The following KCNQ5 variants were observed in gnomAD, a reference collection of about 807,000 sequenced individuals.
The protein encoded by KCNQ5 is potassium voltage-gated channel subfamily KQT member 5.
A neutral mutation model predicts 98.2 loss-of-function variants in KCNQ5; 30 were observed. The observed-to-expected ratio is 0.31, with a 90% CI of 0.23 to 0.41. The LOEUF (loss-of-function observed/expected upper bound fraction) is 0.41, where lower values mean the gene tolerates loss of function less well. KCNQ5 is among the 10% of genes least tolerant of loss of function. The probability of loss-of-function intolerance (pLI) is 1.00; values close to 1 mark genes in which losing one functional copy is unlikely to be tolerated. For missense variants in KCNQ5, 835 were observed against 1,182.5 expected (o/e 0.71, Z 4.31); for synonymous variants, 458 against 449.4 (o/e 1.02, Z -0.24).
At chr6:72,698,648 C>CTTCTTTTTTTTTT (rs1554689823) in intron 1 of KCNQ5, among the ~76,000 whole-genome samples, 24 of 94,020 alleles carry the variant, frequency 2.6e-4, no homozygotes, top group South Asian at 8.6e-4. Context: ...TCTTCTTCTT[C>CTTCTTTTTTTTTT]TTTTTTTTTT....
chr6:72,791,248 C>T (rs1314379047), intron 1 of KCNQ5, among the ~76,000 whole-genome samples: 2 of 152,182 alleles, frequency 1.3e-5, no homozygotes, highest in African/African-American at 4.8e-5. Flanking sequence ...CCAAAGTGTG[C>T]TGTAATGTAT....
At position 73,050,257 on chromosome 6, in the gene KCNQ5, G is replaced by GGGAAGGAAGGAAGGAAGGAAGGAA. The variant is rs1208611192; in HGVS notation, c.616+8226_616+8249dup. Reference sequence around the variant, plus strand: ...AAGGAAGGAAGGAAAGAAGGAAGGAGGGAAGGAAGGAAGGAAGGAAGGAAG... The same window carrying GGGAAGGAAGGAAGGAAGGAAGGAA: ...AAGGAAGGAAGGAAAGAAGGAAGGAGGGAAGGAAGGAAGGAAGGAAGGAAGGAAGGAAGGAAGGAAGGAAGGAAG... On this transcript the variant is annotated intron_variant, in intron 3 of 13. Coordinates refer to ENST00000370398, the MANE Select transcript of KCNQ5 (RefSeq NM_019842.4). 2.2e-4 allele frequency among the ~76,000 whole-genome samples: 17 copies of GGGAAGGAAGGAAGGAAGGAAGGAA among 76,316 alleles called. 1 individual carries two copies. The highest frequency in any genetic ancestry group is 7.6e-4 in the African/African-American group (12 of 15,810). The allele number at this position is 76,316 out of a possible 152,430, so 50.1% of individuals were successfully genotyped here.
At chr6:73,147,441 A>G (rs1021432153) in intron 10 of KCNQ5, among the ~76,000 whole-genome samples, 1 of 152,144 alleles carries the variant, frequency 6.6e-6, no homozygotes, top group Non-Finnish European at 1.5e-5. Flanking sequence ...ATATGCTTAT[A>G]CAAACTTTAG....
chr6:73,157,614 C>A, intron 10 of KCNQ5: 1 of 772,042 alleles, frequency 1.3e-6, no homozygotes, highest in Non-Finnish European at 2.4e-6. Flanking sequence ...GTAGTGGCAG[C>A]TGGGTAGGTG....
chr6:72,744,668 G>A (rs763785265), intron 1 of KCNQ5, among the ~76,000 whole-genome samples: 1 of 152,042 alleles, frequency 6.6e-6, no homozygotes, highest in Non-Finnish European at 1.5e-5. Context: ...AAAATTAACT[G>A]GGTGTGGTGG....
intron 1 of KCNQ5, among the ~76,000 whole-genome samples, chr6:72,802,523 T>G (rs963013826): frequency 3.9e-5 from 6 of 152,162 alleles, no homozygotes; most frequent in African/African-American, 1.4e-4. Flanking sequence ...GCTTTGTCCC[T>G]CATGTGGGCA....
chr6:72,644,061 A>C (rs1765465472), intron 1 of KCNQ5, among the ~76,000 whole-genome samples: 1 of 152,208 alleles, frequency 6.6e-6, no homozygotes. Context: ...ACAGCACATA[A>C]CAGGTATACA....
intron 1 of KCNQ5, among the ~76,000 whole-genome samples, chr6:72,632,529 G>A (rs2098921589): frequency 6.6e-6 from 1 of 152,074 alleles, no homozygotes; most frequent in Admixed American, 6.6e-5. Context: ...ATTGCATCCA[G>A]GTAGTGAGCA....
chr6:72,722,891 C>T (rs866926702), intron 1 of KCNQ5, among the ~76,000 whole-genome samples: 1 of 146,396 alleles, frequency 6.8e-6, no homozygotes, highest in East Asian at 2.0e-4. Flanking sequence ...TTTCTGTCAC[C>T]CAGGCTGGAG....
intron 1 of KCNQ5, among the ~76,000 whole-genome samples, chr6:72,638,440 G>A (rs757129940): frequency 7.2e-5 from 11 of 152,178 alleles, no homozygotes; most frequent in Non-Finnish European, 1.3e-4. Flanking sequence ...AGGGCAGGAA[G>A]TGGATAATAA....
At chr6:73,088,336 T>C (rs1029693172) in intron 5 of KCNQ5, among the ~76,000 whole-genome samples, 2 of 152,186 alleles carry the variant, frequency 1.3e-5, no homozygotes, top group African/African-American at 4.8e-5. Flanking sequence ...GTCCTTGTTT[T>C]CTATTAGGCT....
intron 1 of KCNQ5, among the ~76,000 whole-genome samples, chr6:72,948,523 A>G (rs554862753): frequency 2.0e-5 from 3 of 152,142 alleles, no homozygotes; most frequent in Non-Finnish European, 4.4e-5. Flanking sequence ...CACAGTCAGT[A>G]TAAATTTTTC....
chr6:73,109,834 A>C (rs1009689152), intron 6 of KCNQ5, among the ~76,000 whole-genome samples: 1 of 152,238 alleles, frequency 6.6e-6, no homozygotes, highest in Non-Finnish European at 1.5e-5. Flanking sequence ...ATACTAATTA[A>C]TAATGGAGTA....
At chr6:72,895,682 T>TTA (rs950078091) in intron 1 of KCNQ5, among the ~76,000 whole-genome samples, 12 of 148,974 alleles carry the variant, frequency 8.1e-5, no homozygotes, top group East Asian at 3.9e-4. Context: ...TCAACATATA[T>TTA]TATATATATA....
At chr6:72,672,495 T>C (rs1171877942) in intron 1 of KCNQ5, among the ~76,000 whole-genome samples, 2 of 152,198 alleles carry the variant, frequency 1.3e-5, no homozygotes, top group African/African-American at 4.8e-5. Context: ...GATTATTTCA[T>C]AGACATAAGT....
intron 1 of KCNQ5, among the ~76,000 whole-genome samples, chr6:72,696,064 A>G (rs1490604959): frequency 1.3e-5 from 2 of 152,214 alleles, no homozygotes; most frequent in South Asian, 2.1e-4. Context: ...TAGTAGACCA[A>G]TTTGGAAAAA....
chr6:73,083,111 C>T (rs1162020173), intron 5 of KCNQ5, among the ~76,000 whole-genome samples: 1 of 152,088 alleles, frequency 6.6e-6, no homozygotes, highest in Non-Finnish European at 1.5e-5. Flanking sequence ...CCAGGCTGGT[C>T]TCAAACTCCT....
intron 3 of KCNQ5, among the ~76,000 whole-genome samples, chr6:73,076,349 G>A (rs1275778399): frequency 6.6e-6 from 1 of 152,192 alleles, no homozygotes; most frequent in Non-Finnish European, 1.5e-5. Flanking sequence ...CTTGGAGCAG[G>A]AAGGAAATTG....
At chr6:73,033,827 G>A (rs781393647) in intron 2 of KCNQ5, among the ~76,000 whole-genome samples, 2 of 151,022 alleles carry the variant, frequency 1.3e-5, no homozygotes, top group African/African-American at 2.4e-5. Flanking sequence ...ATATCCATGT[G>A]TCCTCAACAC....
Sources: allele counts gnomAD v4.1 joint callset (sites outside exome capture counted in the v4.1 genomes callset), GRCh38; gene constraint gnomAD v4.1.1; transcripts MANE v1.5; gene names NCBI Gene and HGNC (gene_info 2026-07-23, HGNC 2026-07-21).